The following BCO1 variants were observed in gnomAD, a reference collection of about 807,000 sequenced individuals.
BCO1 encodes beta,beta-carotene 15,15'-dioxygenase.
BCO1 carries 54 observed loss-of-function variants against 56.3 expected under a neutral mutation model. The observed-to-expected ratio is 0.96, with a 90% CI of 0.77 to 1.20. The LOEUF (loss-of-function observed/expected upper bound fraction) is 1.20. BCO1 is among the 50% of genes most tolerant of loss of function. The pLI is 0.00. For missense variants in BCO1, 801 were observed against 690.9 expected (o/e 1.16, Z -1.79); for synonymous variants, 318 against 266.1 (o/e 1.20, Z -1.90).
At chr16:81,245,663 T>G (rs572285070) in intron 2 of BCO1, 60 bp downstream of exon 2, 3 of 1,604,434 alleles carry the variant, frequency 1.9e-6, no homozygotes. Context: ...ATGCAGTGCC[T>G]TAAAACAGCA....
intron 7 of BCO1, among the ~76,000 whole-genome samples, chr16:81,277,837 G>A (rs192523379): frequency 2.0e-5 from 3 of 152,220 alleles, no homozygotes; most frequent in Admixed American, 2.0e-4. Context: ...TGCTGTGTGT[G>A]GAAAAATTCA....
At chr16:81,270,553 T>C (rs1907131520) in intron 7 of BCO1, 137 bp downstream of exon 7, 1 of 1,210,152 alleles carries the variant, frequency 8.3e-7, no homozygotes, top group Non-Finnish European at 1.2e-6. Flanking sequence ...TCATTGTTTT[T>C]CCCAAAGTAG....
chr16:81,245,675 A>C, intron 2 of BCO1, 72 bp downstream of exon 2: 2 of 1,595,128 alleles, frequency 1.3e-6, no homozygotes, highest in East Asian at 2.2e-5. Flanking sequence ...AAAACAGCAC[A>C]AATTTATTCT....
intron 8 of BCO1, among the ~76,000 whole-genome samples, chr16:81,281,765 C>G (rs1907896075): frequency 6.6e-6 from 1 of 152,142 alleles, no homozygotes; most frequent in South Asian, 2.1e-4. Flanking sequence ...TGGGTGCTGT[C>G]CAGGGAATTG....
intron 2 of BCO1, among the ~76,000 whole-genome samples, chr16:81,252,350 C>G (rs1010610880): frequency 3.3e-5 from 5 of 152,104 alleles, no homozygotes; most frequent in Non-Finnish European, 5.9e-5. Flanking sequence ...ACCTCTACCT[C>G]CCAGGCTCAA....
intron 1 of BCO1, among the ~76,000 whole-genome samples, chr16:81,242,990 C>G (rs1905207304): frequency 6.6e-6 from 1 of 152,108 alleles, no homozygotes; most frequent in African/African-American, 2.4e-5. Flanking sequence ...AAACCAGTCC[C>G]TGGTGCCAAA....
Position 81,238,740 on chromosome 16 carries a change from CAAAAAGG to C in BCO1, c.-162_-156del, listed in dbSNP as rs1478564360. ...TGGAGAGGGACAAGTGAGAGCCAGC[CAAAAAGG>C]AAAAAGCAAAGGCAGAAACGGCATC... On this transcript the variant is annotated 5_prime_UTR_variant, in exon 1 of 11. Coordinates refer to ENST00000258168, the MANE Select transcript of BCO1 (RefSeq NM_017429.3). 1.4e-6 allele frequency: 1 copy of C among 700,346 alleles called. No homozygotes were observed. The highest frequency in any genetic ancestry group is 2.6e-6 in the Non-Finnish European group (1 of 382,938). The allele number at this position is 700,346 out of a possible 1,614,324, so 43.4% of individuals were successfully genotyped here. A position where few individuals can be genotyped will look rare whatever the true frequency, so the allele number is the denominator to read the frequency against.
chr16:81,269,323 AG>A (rs1907040856), intron 6 of BCO1, among the ~76,000 whole-genome samples: 1 of 145,324 alleles, frequency 6.9e-6, no homozygotes, highest in Admixed American at 6.9e-5. Flanking sequence ...TTTCAGATAG[AG>A]TCTCACTCTG....
intron 2 of BCO1, among the ~76,000 whole-genome samples, chr16:81,255,496 TTTTTTTA>T: frequency 6.6e-6 from 1 of 151,276 alleles, no homozygotes; most frequent in East Asian, 1.9e-4. Context: ...TTATGTTATT[TTTTTTTA>T]TTTTTTATTT....
At chr16:81,264,591 G>A (rs780274924) in intron 4 of BCO1, 49 bp from the exon 5 acceptor site, 4 of 1,600,670 alleles carry the variant, frequency 2.5e-6, no homozygotes, top group Admixed American at 3.3e-5. Context: ...TATCTTGCAG[G>A]TTGATTATCG....
chr16:81,272,771 C>T (rs1473361130), intron 7 of BCO1, among the ~76,000 whole-genome samples: 1 of 152,170 alleles, frequency 6.6e-6, no homozygotes, highest in Non-Finnish European at 1.5e-5. Flanking sequence ...AGTTATGTGC[C>T]AGGTACTTTG....
At chr16:81,289,969 T>C (rs1445490996) in intron 10 of BCO1, among the ~76,000 whole-genome samples, 7 of 152,200 alleles carry the variant, frequency 4.6e-5, no homozygotes, top group African/African-American at 1.7e-4. Flanking sequence ...GTTCAAGTAA[T>C]TCTCTGGCTT....
chr16:81,240,855 A>G (rs534117796), intron 1 of BCO1, among the ~76,000 whole-genome samples: 1 of 131,844 alleles, frequency 7.6e-6, no homozygotes, highest in East Asian at 2.3e-4. Flanking sequence ...TTTTTTTGAG[A>G]AGGAGTTTCA....
chr16:81,265,013 G>C (rs559256702), intron 5 of BCO1, among the ~76,000 whole-genome samples: 195 of 152,070 alleles, frequency 1.3e-3, no homozygotes, highest in Admixed American at 2.4e-3. Flanking sequence ...TTTTATTTAG[G>C]CTCCAGTTTA....
chr16:81,282,517 C>G (rs1907941093), intron 8 of BCO1, among the ~76,000 whole-genome samples: 1 of 152,122 alleles, frequency 6.6e-6, no homozygotes, highest in Admixed American at 6.6e-5. Flanking sequence ...TGGATTTGAC[C>G]TAAGAATCCA....
At chr16:81,251,890 G>GTGTGTGTA (rs1286111425) in intron 2 of BCO1, among the ~76,000 whole-genome samples, 56 of 150,392 alleles carry the variant, frequency 3.7e-4, no homozygotes, top group African/African-American at 1.3e-3. Context: ...GTGTGTGTGT[G>GTGTGTGTA]TATATATATC....
intron 5 of BCO1, among the ~76,000 whole-genome samples, chr16:81,266,400 G>A (rs1906831445): frequency 1.3e-5 from 2 of 152,146 alleles, no homozygotes; most frequent in Admixed American, 6.5e-5. Context: ...AACTACAACG[G>A]TGCTTCCTCT....
intron 10 of BCO1, 28 bp from the exon 11 acceptor site, chr16:81,290,320 G>A (rs753070364): frequency 2.1e-5 from 33 of 1,578,120 alleles, no homozygotes; most frequent in East Asian, 1.1e-4. Flanking sequence ...GCACTTTTAC[G>A]AAGTGTTTTT....
chr16:81,242,647 C>G (rs1463048912), intron 1 of BCO1, among the ~76,000 whole-genome samples: 1 of 152,106 alleles, frequency 6.6e-6, no homozygotes, highest in African/African-American at 2.4e-5. Flanking sequence ...GGTCTTCCTG[C>G]CTCTCTCAGG....
Sources: gnomAD v4.1 joint callset for allele counts (sites outside exome capture counted in the v4.1 genomes callset) on GRCh38, gnomAD v4.1.1 for gene constraint, MANE v1.5 for transcripts, NCBI Gene and HGNC (gene_info 2026-07-23, HGNC 2026-07-21) for gene names.